Variants in EEPD1 observed in about 807,000 individuals in gnomAD.
The protein encoded by EEPD1 is endonuclease/exonuclease/phosphatase family domain containing 1, also known as endonuclease/exonuclease/phosphatase family domain-containing protein 1.
A neutral mutation model predicts 46.3 loss-of-function variants in EEPD1; 17 were observed. The ratio of observed to expected loss-of-function variants is 0.37; its 90% CI spans 0.25 to 0.55. EEPD1 has a LOEUF of 0.55. Ranked by LOEUF, EEPD1 falls within the 20% of genes least tolerant of loss-of-function variation. The probability of loss-of-function intolerance (pLI) is 0.83; values close to 1 mark genes in which losing one functional copy is unlikely to be tolerated. For missense variants in EEPD1, 673 were observed against 745.6 expected (o/e 0.90, Z 1.13); for synonymous variants, 313 against 315.6 (o/e 0.99, Z 0.09).
At chr7:36,265,852 G>A (rs1787007200) in intron 3 of EEPD1, among the ~76,000 whole-genome samples, 1 of 152,206 alleles carries the variant, frequency 6.6e-6, no homozygotes, top group African/African-American at 2.4e-5. Flanking sequence ...GAGGAAACAA[G>A]TTATCATCAG....
At chr7:36,221,911 T>TC (rs1329213201) in intron 2 of EEPD1, among the ~76,000 whole-genome samples, 1 of 152,142 alleles carries the variant, frequency 6.6e-6, no homozygotes, top group Non-Finnish European at 1.5e-5. Context: ...GTCCTCTGTG[T>TC]CCCCCCCACA....
intron 2 of EEPD1, among the ~76,000 whole-genome samples, chr7:36,192,193 G>A (rs903087439): frequency 2.0e-5 from 3 of 152,230 alleles, no homozygotes; most frequent in East Asian, 3.8e-4. Flanking sequence ...TTTAAACACC[G>A]TAAGTGATGG....
At chr7:36,208,746 G>A (rs887040143) in intron 2 of EEPD1, among the ~76,000 whole-genome samples, 1 of 152,200 alleles carries the variant, frequency 6.6e-6, no homozygotes, top group Non-Finnish European at 1.5e-5. Flanking sequence ...CTTTTCCTGT[G>A]TATTCCTGTG....
intron 3 of EEPD1, among the ~76,000 whole-genome samples, chr7:36,271,698 T>G (rs1787103877): frequency 1.1e-5 from 1 of 92,820 alleles, no homozygotes; most frequent in African/African-American, 3.5e-5. Context: ...GCCTATGTCC[T>G]GAATGGTATT....
At chr7:36,287,805 G>A (rs770468486) in intron 6 of EEPD1, 28 bp downstream of exon 6, 19 of 1,609,226 alleles carry the variant, frequency 1.2e-5, no homozygotes, top group South Asian at 4.4e-5. Flanking sequence ...GCTGTGACTC[G>A]GCCACTGTTT....
chr7:36,206,068 C>G (rs1343129621), intron 2 of EEPD1, among the ~76,000 whole-genome samples: 1 of 152,208 alleles, frequency 6.6e-6, no homozygotes, highest in African/African-American at 2.4e-5. Context: ...CAGACTGCCC[C>G]AGCCCCACCC....
At chr7:36,287,891 C>T (rs1489395146) in intron 6 of EEPD1, 114 bp downstream of exon 6, 8 of 1,442,286 alleles carry the variant, frequency 5.5e-6, no homozygotes, top group Admixed American at 4.0e-5. Context: ...ATGTGAGTCG[C>T]GGGTACAGGG....
At chr7:36,289,086 C>T (rs111587976) in intron 6 of EEPD1, among the ~76,000 whole-genome samples, 1,706 of 152,258 alleles carry the variant, frequency 0.011, 9 homozygotes, top group Non-Finnish European at 0.02. Context: ...ACTGTAGGCT[C>T]ACATTTCAAA....
intron 3 of EEPD1, among the ~76,000 whole-genome samples, chr7:36,251,029 G>A (rs1337975483): frequency 1.3e-5 from 2 of 152,142 alleles, no homozygotes; most frequent in Non-Finnish European, 1.5e-5. Flanking sequence ...TCAGATTTTA[G>A]ACAATATCAT....
intron 6 of EEPD1, among the ~76,000 whole-genome samples, chr7:36,295,834 C>T (rs773443608): frequency 6.6e-6 from 1 of 152,016 alleles, no homozygotes; most frequent in Non-Finnish European, 1.5e-5. Context: ...AGTTCGAGAT[C>T]AGCCTGGCCA....
In EEPD1 at chr7:36,154,403, G is replaced by A; in HGVS notation, c.79G>A (p.Ala27Thr). The change falls in exon 2 of 8, where the codon GCC becomes ACC. Residue 27 changes from alanine to threonine, a missense_variant. Physicochemically the swap from Ala to Thr is moderately conservative, Grantham distance 58. Coordinates refer to ENST00000242108, the MANE Select transcript of EEPD1 (RefSeq NM_030636.3). The surrounding 1 kb of genome is among the most constrained non-coding windows in gnomAD (Gnocchi z 4.2). ...GTCCCATAGCCGCAAGTTCAGCGCA[G>A]CCTGTAACTTCAGCAACATTCTAGT... ...DLSHSRKFSA[A>T]CNFSNILVNQ... The A allele has an allele frequency of 6.2e-7, 1 of 1,614,124 alleles. No homozygotes were observed. Among genetic ancestry groups the A allele is most frequent in the Non-Finnish European group, 8.5e-7 (1 of 1,180,046 alleles).
chr7:36,298,954 C>T (rs1787570609), intron 7 of EEPD1, 53 bp from the exon 8 acceptor site: 14 of 1,588,796 alleles, frequency 8.8e-6, no homozygotes, highest in East Asian at 2.2e-5. Flanking sequence ...CAGGACCTCC[C>T]GCACCCAACC....
chr7:36,263,621 T>G (rs1786966717), intron 3 of EEPD1, among the ~76,000 whole-genome samples: 1 of 152,178 alleles, frequency 6.6e-6, no homozygotes, highest in Non-Finnish European at 1.5e-5. Context: ...TTCGAAGGGG[T>G]AAACCTGGAA....
chr7:36,192,698 C>T (rs1020696184), intron 2 of EEPD1, among the ~76,000 whole-genome samples: 1 of 152,180 alleles, frequency 6.6e-6, no homozygotes, highest in African/African-American at 2.4e-5. Flanking sequence ...GCTCCCCTTA[C>T]ATTTTTTTTA....
rs1022962339 is a variant in EEPD1 at position 36,171,272 on chromosome 7, C to T, written c.878+16070C>T. Among the ~76,000 whole-genome samples the T allele has an allele frequency of 4.0e-5, 6 of 150,694 alleles. 1 individual carries two copies. The highest frequency in any genetic ancestry group is 8.9e-5 in the Non-Finnish European group (6 of 67,644). On this transcript the variant is annotated intron_variant, in intron 2 of 7. Transcript: ENST00000242108. ...AAATCAATTTTGGCTGTACGCTAAACCTCAGATTTTCAAGGTATACTCTGT... is the reference window on the plus strand; with the variant it reads ...AAATCAATTTTGGCTGTACGCTAAATCTCAGATTTTCAAGGTATACTCTGT...
At chr7:36,213,078 G>A (rs1026382144) in intron 2 of EEPD1, among the ~76,000 whole-genome samples, 2 of 152,192 alleles carry the variant, frequency 1.3e-5, no homozygotes, top group African/African-American at 4.8e-5. Context: ...GCTTGTACCT[G>A]CGAGGCGGAG....
At chr7:36,246,453 T>C (rs1786642275) in intron 3 of EEPD1, among the ~76,000 whole-genome samples, 1 of 152,214 alleles carries the variant, frequency 6.6e-6, no homozygotes, top group Non-Finnish European at 1.5e-5. Context: ...AAAGCCGTTA[T>C]GTATATCGTA....
chr7:36,278,206 A>G (rs1177141424), intron 3 of EEPD1, among the ~76,000 whole-genome samples: 1 of 152,146 alleles, frequency 6.6e-6, no homozygotes, highest in Non-Finnish European at 1.5e-5. Context: ...GAGCATGGGA[A>G]TCAGTGCTGT....
chr7:36,221,918 C>T (rs1048028872), intron 2 of EEPD1, among the ~76,000 whole-genome samples: 1 of 152,310 alleles, frequency 6.6e-6, no homozygotes, highest in African/African-American at 2.4e-5. Context: ...GTGTCCCCCC[C>T]ACAGCACACT....
Sources: gnomAD v4.1 joint callset for allele counts (sites outside exome capture counted in the v4.1 genomes callset) on GRCh38, gnomAD v4.1.1 for gene constraint, Gnocchi (gnomAD v3.1) non-coding constraint, MANE v1.5 for transcripts, NCBI Gene and HGNC (gene_info 2026-07-23, HGNC 2026-07-21) for gene names.